SLC25A13: variants seen among roughly 807,000 people sequenced by gnomAD.
SLC25A13 encodes the protein solute carrier family 25 member 13.
A neutral mutation model predicts 85.5 loss-of-function variants in SLC25A13; 70 were observed. The observed-to-expected ratio is 0.82, with a 90% CI of 0.68 to 1.00. The LOEUF (loss-of-function observed/expected upper bound fraction) is 1.00, where lower values mean the gene tolerates loss of function less well. Ranked by LOEUF, SLC25A13 falls within the 50% of genes least tolerant of loss-of-function variation. SLC25A13 has a pLI of 0.00. For synonymous variants in SLC25A13, 259 were observed against 288.7 expected (o/e 0.90, Z 1.04); for missense variants, 765 against 819.8 (o/e 0.93, Z 0.82).
chr7:96,122,603 GAGA>G (rs537840020), intron 15 of SLC25A13, among the ~76,000 whole-genome samples: 81 of 152,228 alleles, frequency 5.3e-4, no homozygotes, highest in East Asian at 1.2e-3. Flanking sequence ...GTGAAATTGG[GAGA>G]AGGAGACTCC....
At chr7:96,196,812 G>A (rs960267422) in intron 5 of SLC25A13, among the ~76,000 whole-genome samples, 3 of 152,174 alleles carry the variant, frequency 2.0e-5, no homozygotes, top group Admixed American at 2.0e-4. Flanking sequence ...GACGTGGGTT[G>A]CCTTCTGAAG....
intron 14 of SLC25A13, among the ~76,000 whole-genome samples, chr7:96,136,406 G>A (rs142604907): frequency 2.6e-5 from 4 of 152,274 alleles, no homozygotes; most frequent in African/African-American, 7.2e-5. Context: ...TGCTAGGATC[G>A]TCCACTCAAG....
intron 3 of SLC25A13, among the ~76,000 whole-genome samples, chr7:96,250,541 T>C (rs1797381487): frequency 6.6e-6 from 1 of 152,170 alleles, no homozygotes; most frequent in South Asian, 2.1e-4. Context: ...GTAAGGATGC[T>C]GAAGAATGGG....
In SLC25A13 at chr7:96,194,442, C is replaced by CAAAAAAAAA. The variant is rs546248549; in HGVS notation, c.469-1268_469-1260dup. The stretch of plus-strand genomic sequence containing the variant: ...TGGGTGACAGAGTGAAACCTTGTCT[C>CAAAAAAAAA]AAAAAAAAAAAAAAAAAAAAAAAAA... On this transcript the variant is annotated intron_variant, in intron 5 of 17. Transcript: ENST00000265631. Among the ~76,000 whole-genome samples the CAAAAAAAAA allele has an allele frequency of 1.6e-3, 45 of 27,688 alleles. 8 individuals carry two copies. Among genetic ancestry groups the CAAAAAAAAA allele is most frequent in the Admixed American group, 0.014 (17 of 1,198 alleles). The allele number at this position is 27,688 out of a possible 152,430, so 18.2% of individuals were successfully genotyped here. A position where few individuals can be genotyped will look rare whatever the true frequency, so the allele number is the denominator to read the frequency against.
chr7:96,265,793 A>T (rs913647197), intron 3 of SLC25A13, among the ~76,000 whole-genome samples: 7 of 152,308 alleles, frequency 4.6e-5, no homozygotes, highest in East Asian at 1.9e-4. Context: ...TATAAGTAAC[A>T]GAATTTACTG....
At chr7:96,243,821 G>C (rs540531534) in intron 3 of SLC25A13, among the ~76,000 whole-genome samples, 1 of 152,270 alleles carries the variant, frequency 6.6e-6, no homozygotes, top group Non-Finnish European at 1.5e-5. Flanking sequence ...CTGGAGAGTA[G>C]AGAAGGCAGG....
chr7:96,269,674 C>A (rs548113319), intron 3 of SLC25A13, among the ~76,000 whole-genome samples: 1 of 152,212 alleles, frequency 6.6e-6, no homozygotes, highest in Non-Finnish European at 1.5e-5. Context: ...AGGTTCACTG[C>A]AGCATTATTC....
intron 3 of SLC25A13, among the ~76,000 whole-genome samples, chr7:96,251,311 C>T (rs919510089): frequency 6.6e-6 from 1 of 152,056 alleles, no homozygotes; most frequent in African/African-American, 2.4e-5. Context: ...GAGAGAGTAC[C>T]ACAAGGCCTT....
At chr7:96,304,862 G>A (rs1026587618) in intron 1 of SLC25A13, among the ~76,000 whole-genome samples, 13 of 152,200 alleles carry the variant, frequency 8.5e-5, no homozygotes, top group Admixed American at 3.3e-4. Flanking sequence ...CTGACTTATC[G>A]ACAAGTGGTT....
intron 15 of SLC25A13, among the ~76,000 whole-genome samples, chr7:96,127,823 T>C (rs1791791452): frequency 6.6e-6 from 1 of 152,246 alleles, no homozygotes; most frequent in Admixed American, 6.5e-5. Flanking sequence ...TTTTTGTATT[T>C]TGAAAGAAGC....
At chr7:96,190,016 GATTATTA>G (rs1794783774) in intron 7 of SLC25A13, among the ~76,000 whole-genome samples, 1 of 151,612 alleles carries the variant, frequency 6.6e-6, no homozygotes, top group East Asian at 1.9e-4. Flanking sequence ...GTTAAATTAG[GATTATTA>G]ATTATATTAA....
chr7:96,244,117 G>A (rs1797092833), intron 3 of SLC25A13, among the ~76,000 whole-genome samples: 2 of 152,152 alleles, frequency 1.3e-5, no homozygotes, highest in African/African-American at 4.8e-5. Flanking sequence ...CAGCTGTTAA[G>A]GCTTAATTAC....
chr7:96,254,800 G>A (rs1049054482), intron 3 of SLC25A13, among the ~76,000 whole-genome samples: 1 of 152,180 alleles, frequency 6.6e-6, no homozygotes, highest in African/African-American at 2.4e-5. Flanking sequence ...CCTGTGGGAG[G>A]AGAAACCAAA....
chr7:96,186,711 CAT>C (rs759761489), intron 9 of SLC25A13, among the ~76,000 whole-genome samples: 7 of 151,918 alleles, frequency 4.6e-5, no homozygotes, highest in Non-Finnish European at 7.4e-5. Context: ...TAAAAGAAAA[CAT>C]AGGCTAAAAA....
At chr7:96,228,700 T>G (rs1221845179) in intron 4 of SLC25A13, among the ~76,000 whole-genome samples, 1 of 151,720 alleles carries the variant, frequency 6.6e-6, no homozygotes, top group Admixed American at 6.6e-5. Flanking sequence ...TGCAGGGAGG[T>G]GTGGAGATAG....
chr7:96,250,370 T>C (rs1797369390), intron 3 of SLC25A13, among the ~76,000 whole-genome samples: 1 of 152,182 alleles, frequency 6.6e-6, no homozygotes, highest in Non-Finnish European at 1.5e-5. Flanking sequence ...TGAAGAATAA[T>C]GTGAACAGCC....
chr7:96,184,638 A>G, intron 10 of SLC25A13: 1 of 647,992 alleles, frequency 1.5e-6, no homozygotes, highest in Non-Finnish European at 2.6e-6. Flanking sequence ...AAAGGATGTC[A>G]TAGATATTTT....
chr7:96,232,278 C>T (rs1796567097), intron 4 of SLC25A13, among the ~76,000 whole-genome samples: 1 of 151,944 alleles, frequency 6.6e-6, no homozygotes, highest in South Asian at 2.1e-4. Flanking sequence ...GAGATCATGT[C>T]CTCTACAGGA....
intron 1 of SLC25A13, among the ~76,000 whole-genome samples, chr7:96,313,882 G>A (rs1041744279): frequency 5.9e-5 from 9 of 152,186 alleles, no homozygotes; most frequent in African/African-American, 2.2e-4. Context: ...CTCAAAAGGT[G>A]CAGCATTAGT....
Sources: gnomAD v4.1 joint callset for allele counts (sites outside exome capture counted in the v4.1 genomes callset) on GRCh38, gnomAD v4.1.1 for gene constraint, MANE v1.5 for transcripts, NCBI Gene and HGNC (gene_info 2026-07-23, HGNC 2026-07-21) for gene names.